EIF2AK4: variants seen among roughly 807,000 people sequenced by gnomAD.
EIF2AK4 encodes eukaryotic translation initiation factor 2 alpha kinase 4, also known as eIF-2-alpha kinase GCN2.
A neutral mutation model predicts 211.1 loss-of-function variants in EIF2AK4; 139 were observed. That is an observed-to-expected ratio of 0.66 (90% CI 0.57 to 0.76). EIF2AK4 has a LOEUF of 0.76. EIF2AK4 is among the 30% of genes least tolerant of loss of function. The pLI is 0.00. For synonymous variants in EIF2AK4, 710 were observed against 751.3 expected, an observed-to-expected ratio of 0.94 and a Z score of 0.90; for missense variants, 1,664 against 2,043.8, an observed-to-expected ratio of 0.81 and a Z score of 3.58.
intron 11 of EIF2AK4, 61 bp from the exon 12 acceptor site, chr15:39,976,353 G>A (rs1170814986): frequency 2.7e-6 from 4 of 1,504,878 alleles, no homozygotes; most frequent in Non-Finnish European, 3.6e-6. Flanking sequence ...GATGGGGTGC[G>A]GTGCAAATGC....
At chr15:39,981,849 C>G (rs1181288790) in intron 13 of EIF2AK4, among the ~76,000 whole-genome samples, 2 of 151,284 alleles carry the variant, frequency 1.3e-5, no homozygotes, top group Non-Finnish European at 2.9e-5. Flanking sequence ...GGGTCATTCA[C>G]TGTAAGTGGC....
chr15:39,980,621 C>A (rs900234943), intron 13 of EIF2AK4, among the ~76,000 whole-genome samples: 6 of 152,224 alleles, frequency 3.9e-5, no homozygotes, highest in Non-Finnish European at 8.8e-5. Flanking sequence ...TCACCAAAAA[C>A]TACTAGGGCA....
At chr15:39,940,112 G>A (rs1254242700) in intron 2 of EIF2AK4, among the ~76,000 whole-genome samples, 2 of 152,182 alleles carry the variant, frequency 1.3e-5, no homozygotes, top group African/African-American at 4.8e-5. Context: ...GCTGTGCTGT[G>A]CACTGCAGTA....
intron 22 of EIF2AK4, 71 bp downstream of exon 22, chr15:40,002,859 G>A: frequency 6.6e-7 from 1 of 1,506,848 alleles, no homozygotes; most frequent in South Asian, 1.1e-5. Context: ...AGTACTGTTA[G>A]TGTTCGGGCA....
At chr15:40,020,299 C>T (rs1484485732) in intron 30 of EIF2AK4, among the ~76,000 whole-genome samples, 1 of 150,764 alleles carries the variant, frequency 6.6e-6, no homozygotes, top group Non-Finnish European at 1.5e-5. Context: ...CCAGATGGCT[C>T]AGGGTAGTTG....
At chr15:40,030,247 C>A in intron 34 of EIF2AK4, 112 bp from the exon 35 acceptor site, 4 of 1,051,840 alleles carry the variant, frequency 3.8e-6, no homozygotes, top group Non-Finnish European at 4.2e-6. Flanking sequence ...CGTGATCTAG[C>A]CCTTAGAATC....
chr15:39,978,065 T>C lies in EIF2AK4; in HGVS notation c.2250-13T>C, dbSNP rs2034726172. On this transcript the variant is annotated splice_polypyrimidine_tract_variant and intron_variant, in intron 12 of 38. Transcript: ENST00000263791. ...ATTTCTGTTCCTTTAGTATTTCTGT[T>C]TCCCTTTTTCAGGCCTGCTTCAGAT... 6.3e-7 allele frequency: 1 copy of C among 1,586,682 alleles called. No individual in the cohort carries two copies. Among genetic ancestry groups the C allele is most frequent in the Non-Finnish European group, 8.6e-7 (1 of 1,160,880 alleles).
At chr15:39,992,116 C>A (rs751427697) in intron 16 of EIF2AK4, 59 bp from the exon 17 acceptor site, 96 of 1,417,400 alleles carry the variant, frequency 6.8e-5, no homozygotes, top group Non-Finnish European at 8.3e-5. Context: ...AACAGACAAG[C>A]CATTCTCATG....
intron 1 of EIF2AK4, 70 bp downstream of exon 1, chr15:39,934,409 A>G (rs1373813770): frequency 1.4e-5 from 22 of 1,521,906 alleles, no homozygotes; most frequent in Non-Finnish European, 1.8e-5. Context: ...CAAAGCCCGG[A>G]CACTTCCAGA....
Position 39,986,101 on chromosome 15 carries a change from T to C in EIF2AK4, c.2403+213T>C, listed in dbSNP as rs369538861. On this transcript the variant is annotated intron_variant, in intron 14 of 38. Transcript: ENST00000263791. ...ATATCAGGAGCAGCCACAGGGCAGC[T>C]CTGGGCTCAGGCTGTGTAAGTTCAC... 3.3e-5 allele frequency among the ~76,000 whole-genome samples: 5 copies of C among 152,350 alleles called. No individual in the cohort carries two copies. The South Asian group carries it at 1.0e-3, about 32-fold the overall frequency.
intron 4 of EIF2AK4, among the ~76,000 whole-genome samples, chr15:39,952,685 T>G (rs1450950528): frequency 6.6e-6 from 1 of 152,186 alleles, no homozygotes; most frequent in Non-Finnish European, 1.5e-5. Context: ...GTTCTTATGC[T>G]TGTCTCTTTT....
At chr15:40,026,424 T>A (rs1339802189) in intron 33 of EIF2AK4, among the ~76,000 whole-genome samples, 1 of 152,096 alleles carries the variant, frequency 6.6e-6, no homozygotes, top group Non-Finnish European at 1.5e-5. Context: ...ACCACTGCAC[T>A]CCAGCCTGGG....
chr15:39,961,885 A>G lies in EIF2AK4; in HGVS notation c.845A>G (p.Lys282Arg), dbSNP rs755922801. Reference protein sequence around the residue: ...MGSPDQLMVHKGKCIGSDEQL... With the variant: ...MGSPDQLMVHRGKCIGSDEQL... ...AGTCCTGATCAGCTCATGGTGCACA[A>G]AGGGAAATGTATTGGTGAGTAAACT... The change falls in exon 7 of 39, where the codon AAA (lysine) becomes AGA (arginine). Residue 282 changes from lysine (K) to arginine (R), a missense_variant. Lys to Arg is a conservative substitution (Grantham distance 26). This residue lies in a region of EIF2AK4 where 641 missense variants were observed against 729.6 expected (regional missense o/e 0.88). Coordinates refer to ENST00000263791, the MANE Select transcript of EIF2AK4 (RefSeq NM_001013703.4). 13 of 1,612,934 alleles carry G rather than the reference A, an allele frequency of 8.1e-6. No individual in the cohort carries two copies. The South Asian group carries it at 1.4e-4, about 18-fold the overall frequency.
rs1184772982 is a variant in EIF2AK4, at chr15:39,990,219, G to T, written c.2527-54G>T. On this transcript the variant is annotated intron_variant, in intron 15 of 38. Transcript: ENST00000263791. ...GTTGGCCTTTTAAATTAGGAAGTAG[G>T]TATAACTTTATGCATGGAAAACCAT... The T allele has an allele frequency of 2.6e-6, 4 of 1,549,750 alleles. No homozygotes were observed. The East Asian group carries it at 9.0e-5, about 35-fold the overall frequency.
At chr15:39,954,649 A>G (rs1316777342) in intron 5 of EIF2AK4, among the ~76,000 whole-genome samples, 1 of 152,256 alleles carries the variant, frequency 6.6e-6, no homozygotes, top group Non-Finnish European at 1.5e-5. Flanking sequence ...CCAGTGATGA[A>G]AAAGAGTAAT....
rs763573480 is a variant in EIF2AK4, at chr15:40,034,413, G to A, written c.4861G>A (p.Asp1621Asn). 6.2e-7 allele frequency: 1 copy of A among 1,613,932 alleles called. No homozygotes were observed. The highest frequency in any genetic ancestry group is 1.7e-5 in the Admixed American group (1 of 59,994). The change falls in exon 38 of 39, where the codon GAT becomes AAT. Residue 1621 changes from aspartate to asparagine, a missense_variant. Coordinates refer to ENST00000263791, the MANE Select transcript of EIF2AK4 (RefSeq NM_001013703.4). ...PKQRYLKLVC[D>N]EIYNIKVEKK... is the part of the protein sequence containing the mutation. Reference sequence around the variant, plus strand: ...GCAAAGATACCTCAAATTAGTCTGTGATGAAATTTATAACATCAAAGTAGA... The same window carrying A: ...GCAAAGATACCTCAAATTAGTCTGTAATGAAATTTATAACATCAAAGTAGA...
At chr15:40,002,578 G>C (rs1271424010) in intron 21 of EIF2AK4, 135 bp from the exon 22 acceptor site, 3 of 843,478 alleles carry the variant, frequency 3.6e-6, no homozygotes, top group Non-Finnish European at 6.0e-6. Context: ...GTTCAAAGAG[G>C]GATGGACTTG....
chr15:39,950,436 C>A (rs1165221158), intron 4 of EIF2AK4, among the ~76,000 whole-genome samples: 1 of 151,772 alleles, frequency 6.6e-6, no homozygotes, highest in Admixed American at 6.6e-5. Context: ...ACTAAAAATA[C>A]AAAAATTAGC....
At chr15:39,957,439 A>G (rs1327887621) in intron 6 of EIF2AK4, among the ~76,000 whole-genome samples, 3 of 151,590 alleles carry the variant, frequency 2.0e-5, no homozygotes, top group African/African-American at 7.3e-5. Context: ...GGACTACTCA[A>G]CCTCTGGCAT....
Sources: gnomAD v4.1 joint callset for allele counts (sites outside exome capture counted in the v4.1 genomes callset) on GRCh38, gnomAD v4.1.1 for gene constraint, gnomAD v4.1.1 regional missense constraint, MANE v1.5 for transcripts, NCBI Gene and HGNC (gene_info 2026-07-23, HGNC 2026-07-21) for gene names.